Variants in CHL1 observed in about 807,000 individuals in gnomAD.
CHL1 encodes the protein neural cell adhesion molecule L1-like protein.
In CHL1, 96 loss-of-function variants were observed where a neutral mutation model predicts 141.9. The observed-to-expected ratio is 0.68, with a 90% CI of 0.57 to 0.80. The LOEUF is 0.80. Among genes scored for constraint, CHL1 ranks in the 30% least tolerant of loss-of-function variants. The pLI is 0.00. For synonymous variants in CHL1, 613 were observed against 502.2 expected, an observed-to-expected ratio of 1.22 and a Z score of -2.95; for missense variants, 1,820 against 1,457.2, an observed-to-expected ratio of 1.25 and a Z score of -4.05.
intron 1 of CHL1, among the ~76,000 whole-genome samples, chr3:198,934 A>C (rs1027576587): frequency 6.6e-6 from 1 of 152,246 alleles, no homozygotes; most frequent in African/African-American, 2.4e-5. Flanking sequence ...ATGGAGAGAG[A>C]AGCTTAGGAA....
intron 15 of CHL1, among the ~76,000 whole-genome samples, chr3:367,527 A>G (rs1559318072): frequency 6.6e-6 from 1 of 152,228 alleles, no homozygotes; most frequent in Admixed American, 6.5e-5. Flanking sequence ...TAGGGTTAAC[A>G]ATACCAAGTA....
intron 1 of CHL1, among the ~76,000 whole-genome samples, chr3:213,918 C>T (rs1167571961): frequency 6.6e-6 from 1 of 152,102 alleles, no homozygotes; most frequent in African/African-American, 2.4e-5. Context: ...GATTTAAATA[C>T]CTGTCTCAAG....
At chr3:255,221 G>C (rs1185605316) in intron 2 of CHL1, among the ~76,000 whole-genome samples, 2 of 152,198 alleles carry the variant, frequency 1.3e-5, no homozygotes, top group African/African-American at 4.8e-5. Context: ...TTTTGAGTTA[G>C]AGTTGTTATG....
intron 2 of CHL1, among the ~76,000 whole-genome samples, chr3:255,226 G>C (rs913708905): frequency 2.0e-5 from 3 of 152,206 alleles, no homozygotes. Flanking sequence ...AGTTAGAGTT[G>C]TTATGCAGTT....
intron 1 of CHL1, chr3:213,462 A>G (rs1700058501): frequency 6.6e-6 from 1 of 152,188 alleles, no homozygotes; most frequent in South Asian, 2.1e-4. Context: ...GATGAAATAG[A>G]TAGACTTTCT....
chr3:371,588 C>G (rs1705642982), intron 15 of CHL1, among the ~76,000 whole-genome samples: 1 of 152,040 alleles, frequency 6.6e-6, no homozygotes, highest in Non-Finnish European at 1.5e-5. Flanking sequence ...TTTAATTTGG[C>G]TACTCAGTGC....
chr3:313,573 G>A (rs1167715512), intron 2 of CHL1, among the ~76,000 whole-genome samples: 1 of 152,230 alleles, frequency 6.6e-6, no homozygotes, highest in Non-Finnish European at 1.5e-5. Flanking sequence ...AAAAACAAGT[G>A]ATTATTAGGA....
At chr3:243,915 G>GT (rs1352326124) in intron 1 of CHL1, among the ~76,000 whole-genome samples, 2 of 152,156 alleles carry the variant, frequency 1.3e-5, no homozygotes, top group Non-Finnish European at 2.9e-5. Flanking sequence ...AGAAAGTAGA[G>GT]TTTTTTAAAA....
intron 9 of CHL1, 36 bp downstream of exon 9, chr3:344,745 T>A (rs745426519): frequency 2.5e-6 from 4 of 1,604,076 alleles, no homozygotes; most frequent in Admixed American, 3.4e-5. Flanking sequence ...ACTTTGTCCA[T>A]CCAGTTCTGT....
At chr3:248,773 C>T (rs1171100803) in intron 2 of CHL1, among the ~76,000 whole-genome samples, 4 of 152,104 alleles carry the variant, frequency 2.6e-5, no homozygotes, top group Non-Finnish European at 5.9e-5. Context: ...AAAAGACTGA[C>T]TATAATCACC....
At chr3:349,244 T>C (rs1381235430) in intron 9 of CHL1, 115 bp from the exon 10 acceptor site, 1 of 806,224 alleles carries the variant, frequency 1.2e-6, no homozygotes. Flanking sequence ...CGTGATTCAG[T>C]GGAATATGAG....
intron 2 of CHL1, among the ~76,000 whole-genome samples, chr3:276,366 C>T (rs1390259178): frequency 2.6e-5 from 4 of 152,146 alleles, no homozygotes; most frequent in African/African-American, 7.2e-5. Flanking sequence ...TCTTCTCAGA[C>T]ATTTTTGAGG....
intron 1 of CHL1, among the ~76,000 whole-genome samples, chr3:206,262 G>C (rs923384960): frequency 1.3e-5 from 2 of 152,188 alleles, no homozygotes; most frequent in Admixed American, 6.5e-5. Flanking sequence ...GAGGTCAGGA[G>C]TTTGAGGCCA....
chr3:320,913 G>T (rs1700513859), intron 3 of CHL1, among the ~76,000 whole-genome samples: 1 of 152,084 alleles, frequency 6.6e-6, no homozygotes, highest in South Asian at 2.1e-4. Flanking sequence ...TATATTAGAG[G>T]TGTTGGTTGT....
chr3:339,224 G>A (rs77466753), intron 5 of CHL1, among the ~76,000 whole-genome samples: 2 of 152,222 alleles, frequency 1.3e-5, no homozygotes, highest in East Asian at 1.9e-4. Context: ...GTACATAAAC[G>A]TTTTGTATAT....
At chr3:356,168 T>C (rs772319584) in intron 11 of CHL1, among the ~76,000 whole-genome samples, 57 of 152,204 alleles carry the variant, frequency 3.7e-4, no homozygotes, top group Non-Finnish European at 6.9e-4. Flanking sequence ...GAATAAAAAA[T>C]GAAAAATAAT....
chr3:343,877 A>T (rs1023523368), intron 8 of CHL1, among the ~76,000 whole-genome samples: 9 of 152,202 alleles, frequency 5.9e-5, no homozygotes, highest in African/African-American at 1.9e-4. Context: ...GTACATATTC[A>T]ACAATTATTT....
intron 1 of CHL1, among the ~76,000 whole-genome samples, chr3:241,176 T>C (rs1692523090): frequency 6.6e-6 from 1 of 152,200 alleles, no homozygotes; most frequent in African/African-American, 2.4e-5. Flanking sequence ...AGTTTCAAAT[T>C]ACTTATGATT....
intron 9 of CHL1, among the ~76,000 whole-genome samples, chr3:346,719 T>G (rs993721156): frequency 6.6e-6 from 1 of 152,224 alleles, no homozygotes; most frequent in African/African-American, 2.4e-5. Context: ...TTGTGTTGGG[T>G]AATCCTGTCT....
Sources: gnomAD v4.1 joint callset for allele counts (sites outside exome capture counted in the v4.1 genomes callset) on GRCh38, gnomAD v4.1.1 for gene constraint, MANE v1.5 for transcripts, NCBI Gene and HGNC (gene_info 2026-07-23, HGNC 2026-07-21) for gene names.